The following ZNF277 variants were observed in gnomAD, a reference collection of about 807,000 sequenced individuals.
ZNF277 encodes the protein zinc finger protein 277, also known as nuclear receptor-interacting factor 4.
Under a neutral mutation model 60.7 loss-of-function variants are expected in ZNF277, and 55 were observed. That is an observed-to-expected ratio of 0.91 (90% confidence interval 0.73 to 1.13). ZNF277 has a LOEUF of 1.13. Ranked by LOEUF, ZNF277 falls within the 50% of genes most tolerant of loss-of-function variation. ZNF277 has a pLI of 0.00. For synonymous variants in ZNF277, 178 were observed against 179.3 expected (o/e 0.99, Z 0.06); for missense variants, 510 against 523.0 (o/e 0.98, Z 0.24).
chr7:112,227,493 AC>A (rs746417572), intron 1 of ZNF277, among the ~76,000 whole-genome samples: 13 of 152,228 alleles, frequency 8.5e-5, no homozygotes, highest in African/African-American at 1.7e-4. Context: ...TGCAATTTAA[AC>A]AGTTTTGGGC....
chr7:112,234,365 T>G (rs1437049182), intron 1 of ZNF277, among the ~76,000 whole-genome samples: 2 of 152,164 alleles, frequency 1.3e-5, no homozygotes, highest in Admixed American at 6.6e-5. Flanking sequence ...TCAACAAATT[T>G]GATGTCTGAT....
At chr7:112,216,552 G>T (rs540892617) in intron 1 of ZNF277, among the ~76,000 whole-genome samples, 7 of 152,104 alleles carry the variant, frequency 4.6e-5, no homozygotes, top group African/African-American at 1.7e-4. Context: ...TCAGTGATCC[G>T]CCCACCTCAG....
At chr7:112,279,646 G>C (rs1791895950) in intron 1 of ZNF277, among the ~76,000 whole-genome samples, 1 of 152,050 alleles carries the variant, frequency 6.6e-6, no homozygotes, top group African/African-American at 2.4e-5. Flanking sequence ...CGAAAATCTT[G>C]TGTATAACTT....
intron 1 of ZNF277, among the ~76,000 whole-genome samples, chr7:112,250,533 A>G (rs1791181405): frequency 6.6e-6 from 1 of 152,134 alleles, no homozygotes; most frequent in Admixed American, 6.5e-5. Flanking sequence ...GCATCACAGA[A>G]CCTACCGACA....
chr7:112,237,807 C>T (rs1050018368), intron 1 of ZNF277, among the ~76,000 whole-genome samples: 4 of 152,136 alleles, frequency 2.6e-5, no homozygotes, highest in African/African-American at 7.2e-5. Context: ...GGAGGGAATC[C>T]TCCCTAACGT....
chr7:112,333,319 A>G (rs1793263437), intron 7 of ZNF277, among the ~76,000 whole-genome samples: 1 of 152,208 alleles, frequency 6.6e-6, no homozygotes, highest in African/African-American at 2.4e-5. Flanking sequence ...TCCAGGTACC[A>G]GATGCTAGAA....
At chr7:112,317,042 A>C (rs533068262) in intron 4 of ZNF277, among the ~76,000 whole-genome samples, 1 of 152,114 alleles carries the variant, frequency 6.6e-6, no homozygotes, top group Admixed American at 6.6e-5. Flanking sequence ...TCAGCAAACT[A>C]ACACAGGAAC....
chr7:112,341,230 C>T (rs963869379), intron 11 of ZNF277, 184 bp downstream of exon 11: 9 of 456,012 alleles, frequency 2.0e-5, no homozygotes, highest in African/African-American at 1.6e-4. Flanking sequence ...TAATCCCCCT[C>T]TTACAAATGA....
chr7:112,208,271 A>G (rs1821625324), intron 1 of ZNF277, among the ~76,000 whole-genome samples: 1 of 152,076 alleles, frequency 6.6e-6, no homozygotes, highest in Non-Finnish European at 1.5e-5. Flanking sequence ...GCTACTCGGG[A>G]GGCCGAGGCA....
rs758171787 is a variant in ZNF277 at position 112,286,829 on chromosome 7, T to TTTTC, written c.92-32_92-29dup. ...ATCCATATGAAGAGTTGGTTTCAGC[T>TTTTC]TTTCTTTCTTTCTTTTTTTTTTTTT... On this transcript the variant is annotated intron_variant, in intron 1 of 11. Coordinates refer to ENST00000361822, the MANE Select transcript of ZNF277 (RefSeq NM_021994.3). 11 of 1,404,670 alleles carry TTTTC rather than the reference T, an allele frequency of 7.8e-6. No individual in the cohort carries two copies. The East Asian group carries it at 1.7e-4, about 22-fold the overall frequency. 87.0% of individuals were successfully genotyped at this position (1,404,670 alleles called of 1,614,324 possible). A position where few individuals can be genotyped will look rare whatever the true frequency, so the allele number is the denominator to read the frequency against.
At chr7:112,313,696 A>G (rs2044166606) in intron 4 of ZNF277, among the ~76,000 whole-genome samples, 1 of 152,142 alleles carries the variant, frequency 6.6e-6, no homozygotes, top group Non-Finnish European at 1.5e-5. Context: ...TTACATATGT[A>G]GTAGACCATT....
chr7:112,210,752 G>A lies in ZNF277; in HGVS notation c.91+3945G>A, dbSNP rs141567275. Among the ~76,000 whole-genome samples, 201 of 152,222 alleles carry A rather than the reference G, an allele frequency of 1.3e-3. 1 individual carries two copies. The highest frequency in any genetic ancestry group is 4.6e-3 in the African/African-American group (190 of 41,550). On this transcript the variant is annotated intron_variant, in intron 1 of 11. Transcript: ENST00000361822. ...CTCCCAAAGTGCTGGGATTACAGGCGTGAGCTACTGCACCTGGCACACTAG... is the reference window on the plus strand; with the variant it reads ...CTCCCAAAGTGCTGGGATTACAGGCATGAGCTACTGCACCTGGCACACTAG...
chr7:112,227,663 G>C (rs982079655), intron 1 of ZNF277, among the ~76,000 whole-genome samples: 4 of 152,020 alleles, frequency 2.6e-5, no homozygotes, highest in Non-Finnish European at 5.9e-5. Flanking sequence ...TTATATTCTT[G>C]TAAGTTATAT....
chr7:112,305,977 A>G (rs897812267), intron 4 of ZNF277, among the ~76,000 whole-genome samples: 1 of 152,114 alleles, frequency 6.6e-6, no homozygotes, highest in African/African-American at 2.4e-5. Flanking sequence ...AGTCACTTCA[A>G]AAGAAAGCTA....
intron 4 of ZNF277, among the ~76,000 whole-genome samples, chr7:112,317,686 T>C (rs1439157035): frequency 6.6e-6 from 1 of 151,930 alleles, no homozygotes; most frequent in African/African-American, 2.4e-5. Flanking sequence ...AGAAAAGGGA[T>C]TGAAATCAGG....
At chr7:112,224,434 A>G (rs1335520081) in intron 1 of ZNF277, among the ~76,000 whole-genome samples, 3 of 152,240 alleles carry the variant, frequency 2.0e-5, no homozygotes, top group African/African-American at 7.2e-5. Flanking sequence ...ACACCTCAGT[A>G]TAGAACTGGG....
chr7:112,207,286 C>T (rs1378566112), intron 1 of ZNF277, among the ~76,000 whole-genome samples: 2 of 152,156 alleles, frequency 1.3e-5, no homozygotes, highest in Non-Finnish European at 2.9e-5. Context: ...GTGGTCACTG[C>T]TCTCCACTCT....
chr7:112,213,281 A>C (rs1291116756), intron 1 of ZNF277, among the ~76,000 whole-genome samples: 3 of 152,156 alleles, frequency 2.0e-5, no homozygotes, highest in African/African-American at 4.8e-5. Context: ...GTGAAACTCT[A>C]AGTCCAATTA....
chr7:112,283,793 T>C (rs770109566), intron 1 of ZNF277, among the ~76,000 whole-genome samples: 3 of 152,176 alleles, frequency 2.0e-5, no homozygotes, highest in African/African-American at 7.2e-5. Context: ...AAGAAAATTA[T>C]GGAGATGAAC....
Sources: gnomAD v4.1 joint callset for allele counts (sites outside exome capture counted in the v4.1 genomes callset) on GRCh38, gnomAD v4.1.1 for gene constraint, MANE v1.5 for transcripts, NCBI Gene and HGNC (gene_info 2026-07-23, HGNC 2026-07-21) for gene names.